The following CSMD1 variants were observed in gnomAD, a reference collection of about 807,000 sequenced individuals.
CSMD1 encodes the protein CUB and Sushi multiple domains 1.
A neutral mutation model predicts 417.5 loss-of-function variants in CSMD1; 213 were observed. That is an observed-to-expected ratio of 0.51 (90% CI 0.46 to 0.57). The LOEUF (loss-of-function observed/expected upper bound fraction) is 0.57. CSMD1 is among the 20% of genes least tolerant of loss of function. The pLI, the probability that CSMD1 is intolerant of heterozygous loss-of-function variation, is 0.00. For synonymous variants in CSMD1, 2,862 were observed against 1,736.8 expected, an observed-to-expected ratio of 1.65 and a Z score of -16.11; for missense variants, 6,923 against 4,529.7, an observed-to-expected ratio of 1.53 and a Z score of -15.17.
intron 10 of CSMD1, among the ~76,000 whole-genome samples, chr8:3,515,049 G>A (rs1585286445): frequency 6.6e-6 from 1 of 151,972 alleles, no homozygotes; most frequent in East Asian, 1.9e-4. Context: ...GACTATATTC[G>A]ACATCTAACT....
At chr8:4,177,367 G>A (rs1027548893) in intron 3 of CSMD1, among the ~76,000 whole-genome samples, 73 of 152,096 alleles carry the variant, frequency 4.8e-4, no homozygotes, top group Admixed American at 1.4e-3. Flanking sequence ...AAATAAAGAT[G>A]TTCTTTGAAA....
At chr8:4,431,223 C>T (rs944935270) in intron 2 of CSMD1, among the ~76,000 whole-genome samples, 41 of 152,016 alleles carry the variant, frequency 2.7e-4, no homozygotes, top group Admixed American at 1.1e-3. Context: ...ATTATCTCAA[C>T]AACATTAAAA....
chr8:3,742,739 G>T (rs1354423387), intron 6 of CSMD1, among the ~76,000 whole-genome samples: 1 of 150,696 alleles, frequency 6.6e-6, no homozygotes, highest in Non-Finnish European at 1.5e-5. Flanking sequence ...AGAGAGAGAA[G>T]AAAAAAAACA....
At position 4,282,898 on chromosome 8, in the gene CSMD1, C is replaced by G. The variant is rs1474580816; in HGVS notation, c.415+137055G>C. On this transcript the variant is annotated intron_variant, in intron 3 of 69. Transcript: ENST00000635120. Reference sequence around the variant, plus strand: ...ATTATATTTTACATTAATGGTTGAACTTACCACAGTTCATTGCTGTATAAA... The same window carrying G: ...ATTATATTTTACATTAATGGTTGAAGTTACCACAGTTCATTGCTGTATAAA... Among the ~76,000 whole-genome samples the G allele has an allele frequency of 4.6e-5, 7 of 152,136 alleles. No homozygotes were observed. In the South Asian group the frequency reaches 8.3e-4, roughly 18 times the overall value.
intron 3 of CSMD1, among the ~76,000 whole-genome samples, chr8:4,289,943 C>T (rs141173393): frequency 6.6e-5 from 10 of 152,308 alleles, no homozygotes; most frequent in African/African-American, 2.2e-4. Context: ...TCATTATTGA[C>T]CTCTTCTTGA....
At chr8:4,213,013 C>A (rs1031565466) in intron 3 of CSMD1, among the ~76,000 whole-genome samples, 11 of 152,006 alleles carry the variant, frequency 7.2e-5, no homozygotes, top group African/African-American at 2.2e-4. Context: ...TCTTTGTTTT[C>A]TTATTTTTAA....
At chr8:4,284,802 A>T (rs954870292) in intron 3 of CSMD1, among the ~76,000 whole-genome samples, 1 of 152,172 alleles carries the variant, frequency 6.6e-6, no homozygotes, top group Non-Finnish European at 1.5e-5. Flanking sequence ...CATATTTTAC[A>T]AACTTCAATA....
At chr8:4,640,103 G>C (rs1475746453) in intron 1 of CSMD1, among the ~76,000 whole-genome samples, 1 of 152,222 alleles carries the variant, frequency 6.6e-6, no homozygotes, top group Non-Finnish European at 1.5e-5. Flanking sequence ...CCATCAGGTT[G>C]AATCAGATGA....
intron 33 of CSMD1, among the ~76,000 whole-genome samples, chr8:3,193,630 G>C (rs963052541): frequency 3.3e-5 from 5 of 152,072 alleles, no homozygotes; most frequent in Non-Finnish European, 7.4e-5. Context: ...CTGCTGTGAA[G>C]CCAAATTGAA....
chr8:4,454,987 G>T (rs1474330199), intron 2 of CSMD1, among the ~76,000 whole-genome samples: 1 of 152,122 alleles, frequency 6.6e-6, no homozygotes, highest in East Asian at 1.9e-4. Context: ...GCAGAGTTAG[G>T]AGAAGGGCTC....
chr8:3,764,576 G>C (rs972138748), intron 5 of CSMD1, among the ~76,000 whole-genome samples: 1 of 151,924 alleles, frequency 6.6e-6, no homozygotes, highest in African/African-American at 2.4e-5. Context: ...TGCAAGAGAG[G>C]ATTTAAACTT....
chr8:4,644,105 T>A (rs1438970381), intron 1 of CSMD1, among the ~76,000 whole-genome samples: 2 of 152,204 alleles, frequency 1.3e-5, no homozygotes, highest in Non-Finnish European at 2.9e-5. Context: ...TGTGGAGTCT[T>A]TGCCCATGAG....
At chr8:4,688,237 A>C (rs1248330259) in intron 1 of CSMD1, among the ~76,000 whole-genome samples, 1 of 152,192 alleles carries the variant, frequency 6.6e-6, no homozygotes, top group Non-Finnish European at 1.5e-5. Context: ...CTTACGTCTT[A>C]GCTTCAGATA....
chr8:4,002,707 G>C (rs1046951551), intron 4 of CSMD1, among the ~76,000 whole-genome samples: 1 of 152,116 alleles, frequency 6.6e-6, no homozygotes, highest in Non-Finnish European at 1.5e-5. Context: ...GTGCTACAAG[G>C]ACCCAATATG....
At chr8:3,852,738 C>T (rs541362402) in intron 5 of CSMD1, among the ~76,000 whole-genome samples, 8 of 152,118 alleles carry the variant, frequency 5.3e-5, no homozygotes, top group South Asian at 2.1e-4. Context: ...GTCAGGTAAG[C>T]GTCTGCATCT....
rs919728812 is a variant in CSMD1, at chr8:2,938,504, G to T, written c.*81C>A. The T allele has an allele frequency of 2.9e-5, 39 of 1,345,224 alleles. No homozygotes were observed. The highest frequency in any genetic ancestry group is 3.9e-5 in the Non-Finnish European group (38 of 978,986). 83.3% of individuals were successfully genotyped at this position (1,345,224 alleles called of 1,614,324 possible). ...TGCAGTAAAGCCAGAGTGGAAGGGA[G>T]AGTGGTATATGGCACCAAAGGAATC... On this transcript the variant is annotated 3_prime_UTR_variant, in exon 70 of 70. Coordinates refer to ENST00000635120, the MANE Select transcript of CSMD1 (RefSeq NM_033225.6).
intron 1 of CSMD1, among the ~76,000 whole-genome samples, chr8:4,858,481 G>T (rs908765957): frequency 6.6e-6 from 1 of 151,312 alleles, no homozygotes; most frequent in Non-Finnish European, 1.5e-5. Context: ...AATTGTCCCT[G>T]TTTGCAGACG....
At chr8:4,799,230 C>T (rs1422322822) in intron 1 of CSMD1, among the ~76,000 whole-genome samples, 1 of 151,962 alleles carries the variant, frequency 6.6e-6, no homozygotes, top group Non-Finnish European at 1.5e-5. Context: ...AAGAGTGAAA[C>T]GGTAAGGGAT....
At chr8:3,187,752 G>A (rs948958407) in intron 36 of CSMD1, 117 bp downstream of exon 36, 3 of 717,924 alleles carry the variant, frequency 4.2e-6, no homozygotes, top group Non-Finnish European at 7.3e-6. Context: ...AACCATTATG[G>A]AGATAGAAGA....
Sources: allele counts gnomAD v4.1 joint callset (sites outside exome capture counted in the v4.1 genomes callset), GRCh38; gene constraint gnomAD v4.1.1; transcripts MANE v1.5; gene names NCBI Gene and HGNC (gene_info 2026-07-23, HGNC 2026-07-21).